Variants in MAT2B observed in about 807,000 individuals in gnomAD.
MAT2B encodes methionine adenosyltransferase 2 subunit beta.
A neutral mutation model predicts 36.1 loss-of-function variants in MAT2B; 16 were observed. The observed-to-expected ratio is 0.44, with a 90% CI of 0.30 to 0.67. The LOEUF (loss-of-function observed/expected upper bound fraction) is 0.67. MAT2B is among the 30% of genes least tolerant of loss of function. The pLI is 0.09. For missense variants in MAT2B, 332 were observed against 398.2 expected, an observed-to-expected ratio of 0.83 and a Z score of 1.42; for synonymous variants, 148 against 136.9, an observed-to-expected ratio of 1.08 and a Z score of -0.57.
At chr5:163,504,180 A>G (rs1278434648), upstream of MAT2B, among the ~76,000 whole-genome samples, 1 of 152,162 alleles carries the variant, frequency 6.6e-6, no homozygotes, top group Non-Finnish European at 1.5e-5. Flanking sequence ...CAGTTAAGAG[A>G]AAAAGTAGTA....
intron 1 of MAT2B, among the ~76,000 whole-genome samples, chr5:163,509,143 CTG>C (rs375867835): frequency 1.3e-5 from 2 of 152,110 alleles, no homozygotes; most frequent in East Asian, 1.9e-4. Context: ...TACTGCAAAA[CTG>C]TGACGATTCA....
At chr5:163,506,791 C>G (rs1759950179) in intron 1 of MAT2B, among the ~76,000 whole-genome samples, 3 of 96,326 alleles carry the variant, frequency 3.1e-5, no homozygotes. Context: ...AAAGCTTAAT[C>G]TACTTTCACA....
intron 4 of MAT2B, among the ~76,000 whole-genome samples, chr5:163,514,663 G>A (rs1396350257): frequency 6.6e-6 from 1 of 151,890 alleles, no homozygotes; most frequent in Non-Finnish European, 1.5e-5. Context: ...AACCTACTCT[G>A]GGATATCTTA....
upstream of MAT2B, among the ~76,000 whole-genome samples, chr5:163,505,051 G>C (rs983908210): frequency 2.0e-5 from 3 of 152,020 alleles, no homozygotes; most frequent in African/African-American, 7.3e-5. Flanking sequence ...GTTAAAAATA[G>C]TTTTACATTT....
chr5:163,513,275 C>T, intron 2 of MAT2B: 1 of 261,138 alleles, frequency 3.8e-6, no homozygotes, highest in Non-Finnish European at 7.4e-6. Flanking sequence ...CATGCATGAA[C>T]CGTCACACCA....
chr5:163,517,209 T>A (rs1352883827), intron 5 of MAT2B: 1 of 193,856 alleles, frequency 5.2e-6, no homozygotes, highest in Non-Finnish European at 1.1e-5. Context: ...ACTTGAAAAA[T>A]GGTTCTATTA....
chr5:163,509,804 T>C (rs985613658), intron 1 of MAT2B, among the ~76,000 whole-genome samples: 1 of 152,210 alleles, frequency 6.6e-6, no homozygotes, highest in Non-Finnish European at 1.5e-5. Flanking sequence ...AGAAAATATT[T>C]TGTTGGCTGA....
intron 5 of MAT2B, chr5:163,517,165 T>C (rs1410677531): frequency 9.5e-6 from 2 of 209,930 alleles, no homozygotes; most frequent in East Asian, 1.1e-4. Flanking sequence ...TTTTGTAATA[T>C]ATAACATGAC....
intron 5 of MAT2B, chr5:163,517,046 A>G (rs1237159854): frequency 7.4e-6 from 3 of 407,094 alleles, no homozygotes; most frequent in African/African-American, 4.0e-5. Context: ...ATCCCAGCAC[A>G]TTTGAAAAAG....
At chr5:163,511,439 C>CTTTTT in intron 1 of MAT2B, among the ~76,000 whole-genome samples, 1 of 69,546 alleles carries the variant, frequency 1.4e-5, no homozygotes, top group Non-Finnish European at 2.6e-5. Flanking sequence ...CTAATTTTTG[C>CTTTTT]TTTTTTTTTT....
chr5:163,504,328 TA>T (rs11366509), upstream of MAT2B, among the ~76,000 whole-genome samples: 140,404 of 148,468 alleles, frequency 0.95, 66,653 homozygotes, highest in East Asian at 1. Flanking sequence ...AGCCTGTGTT[TA>T]AAAAAAAAAA....
chr5:163,518,316 T>C lies in MAT2B; in HGVS notation c.958T>C (p.Trp320Arg). The change falls in exon 7 of 7, where the codon TGG becomes CGG. Residue 320 changes from tryptophan to arginine, a missense_variant. Transcript: ENST00000321757. ...PFRIGIKESL[W>R]PFLIDKRWRQ... ...TCGAATTGGAATCAAAGAATCACTT[T>C]GGCCTTTCCTCATTGACAAGAGATG... is the stretch of plus-strand genomic sequence containing the variant. The C allele has an allele frequency of 6.2e-7, 1 of 1,613,726 alleles. No individual in the cohort carries two copies. The highest frequency in any genetic ancestry group is 2.2e-5 in the East Asian group (1 of 44,882).
chr5:163,518,321 T>G lies in MAT2B; in HGVS notation c.963T>G (p.Pro321=), dbSNP rs199689662. 6.2e-7 allele frequency: 1 copy of G among 1,613,296 alleles called. No individual in the cohort carries two copies. The highest frequency in any genetic ancestry group is 1.3e-5 in the African/African-American group (1 of 74,832). ...TTGGAATCAAAGAATCACTTTGGCC[T>G]TTCCTCATTGACAAGAGATGGAGAC... ...FRIGIKESLW[P]FLIDKRWRQT... Residue 321 remains proline, a synonymous_variant, in exon 7 of 7, where the codon CCT becomes CCG. Coordinates refer to ENST00000321757, the MANE Select transcript of MAT2B (RefSeq NM_013283.5).
At chr5:163,506,219 C>T (rs1759934737) in intron 1 of MAT2B, among the ~76,000 whole-genome samples, 1 of 152,168 alleles carries the variant, frequency 6.6e-6, no homozygotes, top group Non-Finnish European at 1.5e-5. Context: ...ATGCACTTGA[C>T]GGGCATTACT....
rs1400693074 is a variant in MAT2B at position 163,519,064 on chromosome 5, CAT to C, written c.*704_*705del. 1 of 152,166 alleles carries C rather than the reference CAT, an allele frequency of 6.6e-6. No homozygotes were observed. The highest frequency in any genetic ancestry group is 2.4e-5 in the African/African-American group (1 of 41,398). 9.4% of individuals were successfully genotyped at this position (152,166 alleles called of 1,614,324 possible). Reference sequence around the variant, plus strand: ...CCCATGTTGCCGCTAAGTGATATTTCATATGTGTGGTTATACTCATAATAATG... The same window carrying C: ...CCCATGTTGCCGCTAAGTGATATTTCATGTGTGGTTATACTCATAATAATG... On this transcript the variant is annotated 3_prime_UTR_variant, in exon 7 of 7. Coordinates refer to ENST00000321757, the MANE Select transcript of MAT2B (RefSeq NM_013283.5).
At chr5:163,503,279 C>A (rs1759876647), upstream of MAT2B, 3 of 844,996 alleles carry the variant, frequency 3.6e-6, no homozygotes, top group South Asian at 1.5e-5. Flanking sequence ...TGAAGCTGCT[C>A]CTCACGTTTT....
chr5:163,511,851 C>A lies in MAT2B; in HGVS notation c.64-151C>A, dbSNP rs573445671. 8.0e-5 allele frequency: 51 copies of A among 639,196 alleles called. No homozygotes were observed. In the African/African-American group the frequency reaches 8.8e-4, roughly 11 times the overall value. The allele number at this position is 639,196 out of a possible 1,614,324, so 39.6% of individuals were successfully genotyped here. ...TACAGGCATGAGCCTGATGCCCGAC[C>A]CTAACTTAACTTTAGAATTGGCTTG... is the stretch of plus-strand genomic sequence containing the variant. On this transcript the variant is annotated intron_variant, in intron 1 of 6. Transcript: ENST00000321757.
chr5:163,511,674 C>CT (rs5872828), intron 1 of MAT2B, among the ~76,000 whole-genome samples: 21,622 of 151,656 alleles, frequency 0.14, 1,598 homozygotes, highest in African/African-American at 0.17. Context: ...GTGTTTTCTG[C>CT]TTTTTTTATT....
intron 6 of MAT2B, 74 bp from the exon 7 acceptor site, chr5:163,518,098 ATATACATATTTAAAAAAAGGT>A (rs1366112776): frequency 2.8e-5 from 23 of 825,404 alleles, no homozygotes; most frequent in Non-Finnish European, 4.2e-5. Flanking sequence ...GTTTAAAAAT[ATATACATATTTAAAAAAAGGT>A]CAGGGGGAAC....
Sources: gnomAD v4.1 joint callset for allele counts (sites outside exome capture counted in the v4.1 genomes callset) on GRCh38, gnomAD v4.1.1 for gene constraint, MANE v1.5 for transcripts, NCBI Gene and HGNC (gene_info 2026-07-23, HGNC 2026-07-21) for gene names.